Variants in SLC5A1 observed in about 807,000 individuals in gnomAD.
SLC5A1 encodes solute carrier family 5 member 1.
SLC5A1 carries 42 observed loss-of-function variants against 73.5 expected under a neutral mutation model. The ratio of observed to expected loss-of-function variants is 0.57; its 90% CI spans 0.45 to 0.74. The LOEUF (loss-of-function observed/expected upper bound fraction) is 0.74, where lower values mean the gene tolerates loss of function less well. Among genes scored for constraint, SLC5A1 ranks in the 30% least tolerant of loss-of-function variants. The pLI is 0.00. For missense variants in SLC5A1, 634 were observed against 855.4 expected, an observed-to-expected ratio of 0.74 and a Z score of 3.23; for synonymous variants, 300 against 317.4, an observed-to-expected ratio of 0.95 and a Z score of 0.58.
intron 5 of SLC5A1, among the ~76,000 whole-genome samples, chr22:32,081,603 G>A (rs1212346792): frequency 6.6e-6 from 1 of 152,180 alleles, no homozygotes; most frequent in Non-Finnish European, 1.5e-5. Context: ...GTGAGTTTGT[G>A]AGATGTCATG....
chr22:32,047,389 C>T (rs1014129019), intron 1 of SLC5A1, among the ~76,000 whole-genome samples: 3 of 151,186 alleles, frequency 2.0e-5, no homozygotes, highest in Non-Finnish European at 2.9e-5. Context: ...CTGGGGATAT[C>T]AATCTTCAAC....
In SLC5A1 at chr22:32,091,636, T is replaced by C. The variant is rs745650811; in HGVS notation, c.1154T>C (p.Val385Ala). 6.2e-7 allele frequency: 1 copy of C among 1,614,134 alleles called. No individual in the cohort carries two copies. The highest frequency in any genetic ancestry group is 1.1e-5 in the South Asian group (1 of 91,080). ...GGACTGCGAGGCCTGATGCTATCAG[T>C]CATGCTGGCCTCCCTCATGAGCTCC... is the stretch of plus-strand genomic sequence containing the variant. The part of the protein sequence containing the change: ...PNGLRGLMLS[V>A]MLASLMSSLT... The change falls in exon 11 of 15, where the codon GTC becomes GCC. Residue 385 changes from valine (V) to alanine (A), a missense_variant. Physicochemically the swap from Val to Ala is moderately conservative, Grantham distance 64. This residue lies in a region of SLC5A1 where 422 missense variants were observed against 626.1 expected (regional missense o/e 0.67). Transcript: ENST00000266088.
At chr22:32,046,455 C>T (rs1289656157) in intron 1 of SLC5A1, among the ~76,000 whole-genome samples, 1 of 151,806 alleles carries the variant, frequency 6.6e-6, no homozygotes, top group East Asian at 1.9e-4. Flanking sequence ...CACCTGAACA[C>T]TTCCAGTAGA....
At chr22:32,081,749 G>T in intron 5 of SLC5A1, 117 bp from the exon 6 acceptor site, 1 of 765,950 alleles carries the variant, frequency 1.3e-6, no homozygotes, top group Non-Finnish European at 2.4e-6. Context: ...TTTTCTCATG[G>T]AATACGTATT....
intron 12 of SLC5A1, among the ~76,000 whole-genome samples, chr22:32,099,810 A>G (rs1417244426): frequency 2.0e-5 from 3 of 152,194 alleles, no homozygotes; most frequent in Non-Finnish European, 2.9e-5. Flanking sequence ...TCCTAGCACA[A>G]GGTACCTCCA....
chr22:32,078,235 T>C (rs1042420943), intron 5 of SLC5A1, among the ~76,000 whole-genome samples: 1 of 152,190 alleles, frequency 6.6e-6, no homozygotes, highest in African/African-American at 2.4e-5. Context: ...TACTTTTCAG[T>C]GTGTAACTTC....
intron 2 of SLC5A1, among the ~76,000 whole-genome samples, chr22:32,054,854 T>A (rs1444633735): frequency 6.6e-6 from 1 of 152,092 alleles, no homozygotes; most frequent in African/African-American, 2.4e-5. Context: ...TTTGTATTTT[T>A]AGTAGAGACA....
chr22:32,099,164 G>A lies in SLC5A1; in HGVS notation c.1281-19G>A, dbSNP rs2149496637. Reference sequence around the variant, plus strand: ...TAGAGCTATTTATTGACACCTTGTTGTGGGGGCTTTAATTTCAGGTTGTTT... The same window carrying A: ...TAGAGCTATTTATTGACACCTTGTTATGGGGGCTTTAATTTCAGGTTGTTT... On this transcript the variant is annotated intron_variant, in intron 11 of 14. Transcript: ENST00000266088. The A allele has an allele frequency of 6.4e-7, 1 of 1,565,890 alleles. No homozygotes were observed.
At chr22:32,099,394 A>G (rs758853619) in intron 12 of SLC5A1, 43 bp downstream of exon 12, 2 of 1,561,554 alleles carry the variant, frequency 1.3e-6, no homozygotes, top group Non-Finnish European at 1.8e-6. Flanking sequence ...ATTCTGGCAT[A>G]GAAGTTTCCA....
At chr22:32,100,298 ACTT>A (rs2094034118) in intron 12 of SLC5A1, among the ~76,000 whole-genome samples, 1 of 152,098 alleles carries the variant, frequency 6.6e-6, no homozygotes, top group South Asian at 2.1e-4. Flanking sequence ...GGCCAATTTG[ACTT>A]CTTCTTTTCC....
At position 32,093,605 on chromosome 22, in the gene SLC5A1, A is replaced by T. The variant is rs189649957; in HGVS notation, c.1280+1843A>T. 5.5e-4 allele frequency among the ~76,000 whole-genome samples: 78 copies of T among 142,084 alleles called. 1 individual carries two copies. The highest frequency in any genetic ancestry group is 3.6e-3 in the Middle Eastern group (1 of 276). 93.2% of individuals were successfully genotyped at this position (142,084 alleles called of 152,430 possible). Reference sequence around the variant, plus strand: ...CTCTCTTTCTTTTTTTTTTGCAGCTATTGTACAAGGAGTTGAGTTCTTGAT... The same window carrying T: ...CTCTCTTTCTTTTTTTTTTGCAGCTTTTGTACAAGGAGTTGAGTTCTTGAT... On this transcript the variant is annotated intron_variant, in intron 11 of 14. Coordinates refer to ENST00000266088, the MANE Select transcript of SLC5A1 (RefSeq NM_000343.4).
intron 1 of SLC5A1, 56 bp from the exon 2 acceptor site, chr22:32,049,887 G>A: frequency 1.4e-6 from 2 of 1,441,088 alleles, no homozygotes; most frequent in Non-Finnish European, 2.0e-6. Flanking sequence ...TGTCCTTTTG[G>A]CTGGCAAGGC....
intron 5 of SLC5A1, among the ~76,000 whole-genome samples, chr22:32,077,375 C>A (rs1163044011): frequency 2.0e-5 from 3 of 149,504 alleles, no homozygotes; most frequent in Non-Finnish European, 4.4e-5. Flanking sequence ...TCCTTCCTTT[C>A]GTTCTCTCTT....
chr22:32,086,534 G>A (rs975810045), intron 10 of SLC5A1, among the ~76,000 whole-genome samples: 6 of 152,300 alleles, frequency 3.9e-5, no homozygotes, highest in Admixed American at 3.3e-4. Flanking sequence ...GGTTCTATGA[G>A]TTCTGGGACT....
At chr22:32,062,003 C>T (rs906079941) in intron 2 of SLC5A1, among the ~76,000 whole-genome samples, 6 of 152,128 alleles carry the variant, frequency 3.9e-5, no homozygotes, top group African/African-American at 1.2e-4. Context: ...GGGAAACCAT[C>T]CCTGTCCTCA....
chr22:32,085,141 G>C, intron 9 of SLC5A1, 106 bp downstream of exon 9: 1 of 1,350,660 alleles, frequency 7.4e-7, no homozygotes, highest in Non-Finnish European at 1.1e-6. Context: ...TTTGAGACCA[G>C]GTCTCACTCT....
chr22:32,077,939 T>C (rs924860480), intron 5 of SLC5A1, among the ~76,000 whole-genome samples: 1 of 152,228 alleles, frequency 6.6e-6, no homozygotes, highest in Non-Finnish European at 1.5e-5. Context: ...TTAAAAATCT[T>C]GGGGTGGGAG....
At chr22:32,072,709 CAGTT>C (rs1401685666) in intron 5 of SLC5A1, among the ~76,000 whole-genome samples, 1 of 152,172 alleles carries the variant, frequency 6.6e-6, no homozygotes, top group Non-Finnish European at 1.5e-5. Flanking sequence ...TGTTTTCTTA[CAGTT>C]AGTTTGTTTG....
At chr22:32,080,888 G>C (rs1241504854) in intron 5 of SLC5A1, among the ~76,000 whole-genome samples, 2 of 152,146 alleles carry the variant, frequency 1.3e-5, no homozygotes, top group Non-Finnish European at 2.9e-5. Context: ...CAGCTACTCA[G>C]GAGGCTGAGG....
Sources: gnomAD v4.1 joint callset for allele counts (sites outside exome capture counted in the v4.1 genomes callset) on GRCh38, gnomAD v4.1.1 for gene constraint, gnomAD v4.1.1 regional missense constraint, MANE v1.5 for transcripts, NCBI Gene and HGNC (gene_info 2026-07-23, HGNC 2026-07-21) for gene names.